Variants in TGM6 observed in about 807,000 individuals in gnomAD.
TGM6 encodes transglutaminase 6.
A neutral mutation model predicts 77.5 loss-of-function variants in TGM6; 74 were observed. The ratio of observed to expected loss-of-function variants is 0.96; its 90% confidence interval spans 0.79 to 1.16. The LOEUF is 1.16. Among genes scored for constraint, TGM6 ranks in the 50% most tolerant of loss-of-function variants. The pLI, the probability that TGM6 is intolerant of heterozygous loss-of-function variation, is 0.00. For missense variants in TGM6, 968 were observed against 940.2 expected (o/e 1.03, Z -0.39); for synonymous variants, 383 against 378.9 (o/e 1.01, Z -0.12).
rs1434941586 is a variant in TGM6 at position 2,394,493 on chromosome 20, G to A, written c.49G>A (p.Gly17Ser). The change falls in exon 2 of 13, where the codon GGC becomes AGC. Residue 17 changes from glycine to serine, a missense_variant. Physicochemically the swap from Gly to Ser is moderately conservative, Grantham distance 56. Coordinates refer to ENST00000202625, the MANE Select transcript of TGM6 (RefSeq NM_198994.3). ...TKVDWQRSRNGAAHHTQEYPC... is the reference protein window; with the variant it reads ...TKVDWQRSRNSAAHHTQEYPC... ...GGTGGACTGGCAGCGGTCGAGGAAT[G>A]GCGCTGCCCACCACACCCAGGAGTA... The A allele has an allele frequency of 1.2e-6, 2 of 1,611,578 alleles. No individual in the cohort carries two copies. The highest frequency in any genetic ancestry group is 1.7e-6 in the Non-Finnish European group (2 of 1,179,790).
At position 2,395,433 on chromosome 20, in the gene TGM6, G is replaced by T. The variant is rs550158320; in HGVS notation, c.421G>T (p.Ala141Ser). The T allele has an allele frequency of 5.0e-6, 8 of 1,614,138 alleles. No homozygotes were observed. Among genetic ancestry groups the T allele is most frequent in the South Asian group, 1.1e-5 (1 of 91,096 alleles). The change falls in exon 3 of 13, where the codon GCA becomes TCA. Residue 141 changes from alanine to serine, a missense_variant. Physicochemically the swap from Ala to Ser is moderately conservative, Grantham distance 99. Transcript: ENST00000202625. ...TGTTCTCCTTTTCAACCCATGGTGT[G>T]CAGGTAGGAGTGGCCAAGTCCAATG... ...EFVLLFNPWC[A>S]EDDVFLASEE...
At chr20:2,406,609 G>A (rs2084752233) in intron 9 of TGM6, among the ~76,000 whole-genome samples, 1 of 151,548 alleles carries the variant, frequency 6.6e-6, no homozygotes, top group Non-Finnish European at 1.5e-5. Flanking sequence ...GCCGAGGCAG[G>A]CAGATCACCT....
intron 1 of TGM6, among the ~76,000 whole-genome samples, chr20:2,389,347 C>G (rs1018649412): frequency 6.6e-6 from 1 of 152,100 alleles, no homozygotes; most frequent in Non-Finnish European, 1.5e-5. Flanking sequence ...TGAACATGGC[C>G]CCAGCTAACA....
chr20:2,381,121 T>C, intron 1 of TGM6, 146 bp downstream of exon 1: 1 of 1,294,768 alleles, frequency 7.7e-7, no homozygotes, highest in Non-Finnish European at 1.1e-6. Flanking sequence ...ACTCTTCGTG[T>C]GGATTCATGA....
chr20:2,405,645 A>G (rs2084745178), intron 9 of TGM6, among the ~76,000 whole-genome samples: 1 of 152,194 alleles, frequency 6.6e-6, no homozygotes, highest in Non-Finnish European at 1.5e-5. Context: ...TGCCATCCAG[A>G]CTAATTCCTG....
chr20:2,409,299 C>A (rs1410800442), intron 9 of TGM6, among the ~76,000 whole-genome samples: 1 of 152,068 alleles, frequency 6.6e-6, no homozygotes, highest in Non-Finnish European at 1.5e-5. Flanking sequence ...AATGAAAATG[C>A]AATATGCCAA....
At chr20:2,426,192 GTTC>G (rs2084886484) in intron 10 of TGM6, among the ~76,000 whole-genome samples, 1 of 152,058 alleles carries the variant, frequency 6.6e-6, no homozygotes, top group Non-Finnish European at 1.5e-5. Flanking sequence ...GAGTTTTACA[GTTC>G]TTCTTGTGTA....
rs1290501781 is a variant in TGM6, at chr20:2,396,524, C to A, written c.443C>A (p.Ala148Asp). 9 of 1,614,090 alleles carry A rather than the reference C, an allele frequency of 5.6e-6. No individual in the cohort carries two copies. The Admixed American group carries it at 1.5e-4, about 27-fold the overall frequency. The change falls in exon 4 of 13, where the codon GCC (alanine) becomes GAC (aspartate). Residue 148 changes from alanine (A) to aspartate (D), a missense_variant. Transcript: ENST00000202625. ...PWCAEDDVFLASEEERQEYVL... is the reference protein window; with the variant it reads ...PWCAEDDVFLDSEEERQEYVL... ...TTTTCAGAGGACGATGTGTTTCTGG[C>A]CTCAGAGGAGGAGAGACAGGAGTAC...
At chr20:2,428,971 A>AT (rs11481911) in intron 10 of TGM6, among the ~76,000 whole-genome samples, 1 of 151,782 alleles carries the variant, frequency 6.6e-6, no homozygotes, top group African/African-American at 2.4e-5. Flanking sequence ...TTATAGGCAC[A>AT]ACACCACGCC....
At chr20:2,431,796 G>A (rs889064160) in intron 12 of TGM6, among the ~76,000 whole-genome samples, 5 of 152,228 alleles carry the variant, frequency 3.3e-5, no homozygotes, top group African/African-American at 7.2e-5. Context: ...AAGTAAGGAC[G>A]GTTTGCCAGG....
intron 1 of TGM6, among the ~76,000 whole-genome samples, chr20:2,385,095 G>A (rs1459762483): frequency 3.3e-5 from 5 of 152,174 alleles, no homozygotes; most frequent in African/African-American, 9.7e-5. Context: ...CCATGATCAC[G>A]TATTCACCAA....
In TGM6 at chr20:2,387,853, G is replaced by A. The variant is rs149849392; in HGVS notation, c.8-6599G>A. 2.3e-4 allele frequency among the ~76,000 whole-genome samples: 35 copies of A among 152,356 alleles called. 1 individual carries two copies. In the East Asian group the frequency reaches 6.7e-3, roughly 29 times the overall value. On this transcript the variant is annotated intron_variant, in intron 1 of 12. Coordinates refer to ENST00000202625, the MANE Select transcript of TGM6 (RefSeq NM_198994.3). ...TGCCTGGGGGCTGAAGGACCCACTTGCCAGATGGCTCAGTCCCATGGCTTC... is the reference window on the plus strand; with the variant it reads ...TGCCTGGGGGCTGAAGGACCCACTTACCAGATGGCTCAGTCCCATGGCTTC...
At chr20:2,383,830 G>A (rs1020215391) in intron 1 of TGM6, among the ~76,000 whole-genome samples, 1 of 152,092 alleles carries the variant, frequency 6.6e-6, no homozygotes, top group African/African-American at 2.4e-5. Flanking sequence ...TTTGTAGGCC[G>A]GGCGCGGTGG....
chr20:2,417,521 A>G lies in TGM6; in HGVS notation c.1626A>G (p.Pro542=). The G allele has an allele frequency of 2.5e-6, 4 of 1,607,162 alleles. No individual in the cohort carries two copies. Among genetic ancestry groups the G allele is most frequent in the Non-Finnish European group, 3.4e-6 (4 of 1,179,962 alleles). ...SGATILYTRK[P]VAEILHESHA... is the part of the protein sequence containing the mutation. Reference sequence around the variant, plus strand: ...CCACCATCCTCTATACCCGCAAGCCAGTGGCAGAGATCCTGCATGAATCCC... The same window carrying G: ...CCACCATCCTCTATACCCGCAAGCCGGTGGCAGAGATCCTGCATGAATCCC... The change falls in exon 10 of 13, where the codon CCA becomes CCG. Residue 542 remains proline, a synonymous_variant. Transcript: ENST00000202625.
intron 10 of TGM6, among the ~76,000 whole-genome samples, chr20:2,420,389 CT>C (rs1317799563): frequency 4.6e-5 from 7 of 152,144 alleles, no homozygotes; most frequent in African/African-American, 1.7e-4. Flanking sequence ...TCCCATACCC[CT>C]GTCCACCACC....
chr20:2,392,932 T>C (rs2122341399), intron 1 of TGM6, among the ~76,000 whole-genome samples: 1 of 152,236 alleles, frequency 6.6e-6, no homozygotes, highest in South Asian at 2.1e-4. Flanking sequence ...AGCCAGTAGA[T>C]GGCCAGGTTA....
intron 9 of TGM6, among the ~76,000 whole-genome samples, chr20:2,411,158 GAAGAA>G (rs2084782052): frequency 6.6e-6 from 1 of 152,070 alleles, no homozygotes; most frequent in African/African-American, 2.4e-5. Flanking sequence ...GATGACATCA[GAAGAA>G]AAGAAAACTA....
intron 9 of TGM6, among the ~76,000 whole-genome samples, chr20:2,404,279 A>G (rs2084735023): frequency 6.6e-6 from 1 of 152,220 alleles, no homozygotes; most frequent in African/African-American, 2.4e-5. Context: ...ATTTATGGCC[A>G]TTGGTTCATT....
intron 9 of TGM6, among the ~76,000 whole-genome samples, chr20:2,414,607 A>C (rs563900140): frequency 6.6e-6 from 1 of 152,348 alleles, no homozygotes; most frequent in African/African-American, 2.4e-5. Context: ...AAAACTTTAC[A>C]TGAATATTTA....
Sources: allele counts gnomAD v4.1 joint callset (sites outside exome capture counted in the v4.1 genomes callset), GRCh38; gene constraint gnomAD v4.1.1; transcripts MANE v1.5; gene names NCBI Gene and HGNC (gene_info 2026-07-23, HGNC 2026-07-21).